SERTAD4: variants seen among roughly 807,000 people sequenced by gnomAD.
The protein encoded by SERTAD4 is SERTA domain containing 4.
Under a neutral mutation model 32.9 loss-of-function variants are expected in SERTAD4, and 18 were observed. The observed-to-expected ratio is 0.55, with a 90% CI of 0.38 to 0.81. The LOEUF (loss-of-function observed/expected upper bound fraction) is 0.81, where lower values mean the gene tolerates loss of function less well. SERTAD4 is among the 30% of genes least tolerant of loss of function. The pLI is 0.00. For synonymous variants in SERTAD4, 150 were observed against 156.4 expected (o/e 0.96, Z 0.30); for missense variants, 383 against 426.0 (o/e 0.90, Z 0.89).
Position 210,242,389 on chromosome 1 carries a change from C to T in SERTAD4, c.*52C>T, listed in dbSNP as rs1380768199. ...ATGCACAGCATGATCAGTTAGCTCT[C>T]GTAAATTTTATTTTGAATGGATTTT... On this transcript the variant is annotated 3_prime_UTR_variant, in exon 4 of 4. Transcript: ENST00000367012. This position sits in a 1 kb window ranked among gnomAD's most constrained non-coding sequence, Gnocchi z 4.0. The T allele has an allele frequency of 2.0e-6, 3 of 1,515,446 alleles. No homozygotes were observed. Among genetic ancestry groups the T allele is most frequent in the African/African-American group, 1.4e-5 (1 of 71,644 alleles). The allele number at this position is 1,515,446 out of a possible 1,614,324, so 93.9% of individuals were successfully genotyped here.
At chr1:210,239,239 T>G (rs1231522339) in intron 2 of SERTAD4, among the ~76,000 whole-genome samples, 1 of 152,198 alleles carries the variant, frequency 6.6e-6, no homozygotes. Flanking sequence ...TGCATAGAAT[T>G]AAGATTCTGC....
downstream of SERTAD4, chr1:210,246,481 C>A: frequency 1.4e-6 from 1 of 693,854 alleles, no homozygotes; most frequent in Non-Finnish European, 1.8e-6. Context: ...TTGAATCTCG[C>A]ATCCTGCCAT....
Position 210,241,566 on chromosome 1 carries a change from A to C in SERTAD4, c.300A>C (p.Ser100=). The part of the protein sequence containing the change: ...PLSSCSHKTI[S]IFEERAHILY... ...TTTTTTTTGGTTTGTAGACCATCTC[A>C]ATTTTTGAGGAACGAGCCCACATCC... Residue 100 remains serine (S), a synonymous_variant, in exon 4 of 4, where the codon TCA becomes TCC. Coordinates refer to ENST00000367012, the MANE Select transcript of SERTAD4 (RefSeq NM_019605.5). 6.7e-7 allele frequency: 1 copy of C among 1,488,250 alleles called. No homozygotes were observed. The highest frequency in any genetic ancestry group is 8.9e-7 in the Non-Finnish European group (1 of 1,122,044). 92.2% of individuals were successfully genotyped at this position (1,488,250 alleles called of 1,614,324 possible).
intron 3 of SERTAD4, 22 bp from the exon 4 acceptor site, chr1:210,241,536 T>TC: frequency 9.6e-7 from 1 of 1,039,310 alleles, no homozygotes; most frequent in Non-Finnish European, 1.3e-6. Context: ...GTTTTTTTCT[T>TC]TTTTTTTTTT....
At chr1:210,239,456 C>A in intron 2 of SERTAD4, 37 bp from the exon 3 acceptor site, 1 of 1,250,342 alleles carries the variant, frequency 8.0e-7, no homozygotes, top group South Asian at 1.2e-5. Flanking sequence ...CTCTGGCAAA[C>A]CGCATGTCAT....
intron 3 of SERTAD4, 87 bp from the exon 4 acceptor site, chr1:210,241,471 G>A: frequency 7.6e-7 from 1 of 1,314,778 alleles, no homozygotes; most frequent in Non-Finnish European, 1.0e-6. Flanking sequence ...AGTATGCTAT[G>A]ATGATGTTTT....
At position 210,242,663 on chromosome 1, in the gene SERTAD4, T is replaced by G. The variant is rs2084010817; in HGVS notation, c.*326T>G. Reference sequence around the variant, plus strand: ...TATTTCCATTGCCCCCCAAGGAGCCTGTCACTAGCTAAGAAATTTCTACAT... The same window carrying G: ...TATTTCCATTGCCCCCCAAGGAGCCGGTCACTAGCTAAGAAATTTCTACAT... On this transcript the variant is annotated 3_prime_UTR_variant, in exon 4 of 4. Coordinates refer to ENST00000367012, the MANE Select transcript of SERTAD4 (RefSeq NM_019605.5). This position sits in a 1 kb window ranked among gnomAD's most constrained non-coding sequence, Gnocchi z 4.0. The G allele has an allele frequency of 1.9e-6, 2 of 1,062,580 alleles. No individual in the cohort carries two copies. The highest frequency in any genetic ancestry group is 4.5e-5 in the South Asian group (1 of 22,204). 65.8% of individuals were successfully genotyped at this position (1,062,580 alleles called of 1,614,324 possible). A position where few individuals can be genotyped will look rare whatever the true frequency, so the allele number is the denominator to read the frequency against.
chr1:210,238,158 A>AACCCC, intron 2 of SERTAD4, 23 bp downstream of exon 2: 1 of 1,430,368 alleles, frequency 7.0e-7, no homozygotes, highest in African/African-American at 1.4e-5. Flanking sequence ...ACCTGCGCCC[A>AACCCC]TCCCCCCCAC....
chr1:210,236,205 G>A (rs1003616298), intron 1 of SERTAD4, among the ~76,000 whole-genome samples: 2 of 152,204 alleles, frequency 1.3e-5, no homozygotes, highest in Admixed American at 1.3e-4. Context: ...TAAATGACAT[G>A]TCCCATCGTT....
chr1:210,238,952 A>G (rs1252168707), intron 2 of SERTAD4, among the ~76,000 whole-genome samples: 1 of 152,304 alleles, frequency 6.6e-6, no homozygotes, highest in Non-Finnish European at 1.5e-5. Context: ...AAAGGACATT[A>G]GTTACCCAAA....
Position 210,238,019 on chromosome 1 carries a change from C to T in SERTAD4, c.59C>T (p.Ala20Val), listed in dbSNP as rs887512076. ...GAGCCCATTGTCTCGGAAGGAGCTGCTGAAATTGCTGGGTACCAAACACTA... is the reference window on the plus strand; with the variant it reads ...GAGCCCATTGTCTCGGAAGGAGCTGTTGAAATTGCTGGGTACCAAACACTA... ...FCEPIVSEGA[A>V]EIAGYQTLWE... Residue 20 changes from alanine to valine, a missense_variant, in exon 2 of 4, where the codon GCT becomes GTT. Transcript: ENST00000367012. 2 of 1,613,822 alleles carry T rather than the reference C, an allele frequency of 1.2e-6. No individual in the cohort carries two copies. The highest frequency in any genetic ancestry group is 1.7e-6 in the Non-Finnish European group (2 of 1,179,938).
Position 210,242,041 on chromosome 1 carries a change from C to T in SERTAD4, c.775C>T (p.Gln259Ter), listed in dbSNP as rs2084003103. 1 of 1,613,980 alleles carries T rather than the reference C, an allele frequency of 6.2e-7. No homozygotes were observed. The change falls in exon 4 of 4, where the codon CAG (glutamine) becomes TAG (stop). Residue 259 changes from glutamine to a stop codon, truncating the protein, a stop_gained. Transcript: ENST00000367012. LOFTEE classifies it high-confidence loss of function. This position sits in a 1 kb window ranked among gnomAD's most constrained non-coding sequence, Gnocchi z 4.0. ...GSASIYKSDG[Q>*]IPANEIFVTN... The stretch of plus-strand genomic sequence containing the variant: ...TGCATCTATTTACAAGAGTGATGGC[C>T]AGATACCTGCCAATGAAATCTTTGT...
At chr1:210,240,856 A>G (rs1349796094) in intron 3 of SERTAD4, among the ~76,000 whole-genome samples, 1 of 152,174 alleles carries the variant, frequency 6.6e-6, no homozygotes, top group Non-Finnish European at 1.5e-5. Flanking sequence ...TATGAAACCC[A>G]AAGGATTAAA....
At position 210,245,981 on chromosome 1, in the gene SERTAD4, C is replaced by T. The variant is rs895222191; in HGVS notation, c.*3644C>T. ...TAGTTGTGAAATTCCATTTTTCTGA[C>T]AGCCCCTTAAATTTGAAGTTATTTC... is the stretch of plus-strand genomic sequence containing the variant. On this transcript the variant is annotated 3_prime_UTR_variant, in exon 4 of 4. Transcript: ENST00000367012. The T allele has an allele frequency of 1.5e-5, 14 of 953,872 alleles. No homozygotes were observed. Among genetic ancestry groups the T allele is most frequent in the Non-Finnish European group, 1.6e-5 (13 of 801,348 alleles). 59.1% of individuals were successfully genotyped at this position (953,872 alleles called of 1,614,324 possible).
rs1339838236 is a variant in SERTAD4, at chr1:210,243,921, C to T, written c.*1584C>T. 6.6e-6 allele frequency: 1 copy of T among 152,072 alleles called. No individual in the cohort carries two copies. Among genetic ancestry groups the T allele is most frequent in the Non-Finnish European group, 1.5e-5 (1 of 68,012 alleles). 9.4% of individuals were successfully genotyped at this position (152,072 alleles called of 1,614,324 possible). A position where few individuals can be genotyped will look rare whatever the true frequency, so the allele number is the denominator to read the frequency against. On this transcript the variant is annotated 3_prime_UTR_variant, in exon 4 of 4. Transcript: ENST00000367012. ...TCATTTGGACAATTGTCCACAAAGA[C>T]CAATTTTTAAAACATTTTCTTGTGT...
rs57426441 is a variant in SERTAD4 at position 210,243,093 on chromosome 1, CAAAAAAAAAAAA to C, written c.*767_*778del. The stretch of plus-strand genomic sequence containing the variant: ...TACAGCAGGGATTTAACAAACAGGA[CAAAAAAAAAAAA>C]AAAAAAAAAACCACAGGGTGGATCA... On this transcript the variant is annotated 3_prime_UTR_variant, in exon 4 of 4. Transcript: ENST00000367012. 28 of 486,552 alleles carry C rather than the reference CAAAAAAAAAAAA, an allele frequency of 5.8e-5. No homozygotes were observed. Among genetic ancestry groups the C allele is most frequent in the African/African-American group, 1.6e-4 (5 of 32,050 alleles). The allele number at this position is 486,552 out of a possible 1,614,324, so 30.1% of individuals were successfully genotyped here.
chr1:210,237,317 C>T (rs1286505415), intron 1 of SERTAD4: 1 of 152,660 alleles, frequency 6.6e-6, no homozygotes, highest in Admixed American at 6.5e-5. Context: ...GTGGAAACAA[C>T]TACCAAGTGT....
At chr1:210,246,421 G>A (rs1015082667), downstream of SERTAD4, among the ~76,000 whole-genome samples, 41 of 152,194 alleles carry the variant, frequency 2.7e-4, no homozygotes, top group African/African-American at 9.7e-4. Context: ...TATTTGAGCT[G>A]GGAGAACTCA....
At chr1:210,241,082 A>T (rs985206184) in intron 3 of SERTAD4, among the ~76,000 whole-genome samples, 2 of 56,870 alleles carry the variant, frequency 3.5e-5, no homozygotes, top group Non-Finnish European at 6.2e-5. Flanking sequence ...AGGTCATGTA[A>T]CTAACATCCA....
Sources: gnomAD v4.1 joint callset for allele counts (sites outside exome capture counted in the v4.1 genomes callset) on GRCh38, gnomAD v4.1.1 for gene constraint, Gnocchi (gnomAD v3.1) non-coding constraint, MANE v1.5 for transcripts, NCBI Gene and HGNC (gene_info 2026-07-23, HGNC 2026-07-21) for gene names.